The following DENND5A variants were observed in gnomAD, a reference collection of about 807,000 sequenced individuals.
DENND5A encodes the protein DENN domain containing 5A.
In DENND5A, 64 loss-of-function variants were observed where a neutral mutation model predicts 140.3. That is an observed-to-expected ratio of 0.46 (90% CI 0.37 to 0.56). The LOEUF (loss-of-function observed/expected upper bound fraction) is 0.56. Ranked by LOEUF, DENND5A falls within the 20% of genes least tolerant of loss-of-function variation. The pLI is 0.00. For synonymous variants in DENND5A, 605 were observed against 607.7 expected, an observed-to-expected ratio of 1.00 and a Z score of 0.07; for missense variants, 1,292 against 1,593.8, an observed-to-expected ratio of 0.81 and a Z score of 3.22.
chr11:9,143,166 A>T, intron 20 of DENND5A: 1 of 593,832 alleles, frequency 1.7e-6, no homozygotes, highest in South Asian at 2.1e-5. Context: ...ACTGTTCACT[A>T]GGGGCCCAGG....
chr11:9,203,614 AAAG>A, intron 4 of DENND5A, 43 bp downstream of exon 4: 1 of 1,559,644 alleles, frequency 6.4e-7, no homozygotes, highest in Non-Finnish European at 8.7e-7. Flanking sequence ...CATGGAAAGC[AAAG>A]AAGCCTGAGG....
At chr11:9,226,566 T>C (rs1025935595) in intron 1 of DENND5A, among the ~76,000 whole-genome samples, 3 of 152,206 alleles carry the variant, frequency 2.0e-5, no homozygotes, top group African/African-American at 7.2e-5. Context: ...TCACCCAACA[T>C]AAAATACTCT....
intron 1 of DENND5A, among the ~76,000 whole-genome samples, chr11:9,252,686 C>T (rs538712701): frequency 6.6e-6 from 1 of 152,116 alleles, no homozygotes; most frequent in South Asian, 2.1e-4. Flanking sequence ...AAGGAAGTCA[C>T]CAGCTTCTGA....
At chr11:9,205,653 G>A (rs180855926) in intron 3 of DENND5A, among the ~76,000 whole-genome samples, 7 of 152,336 alleles carry the variant, frequency 4.6e-5, no homozygotes, top group African/African-American at 1.4e-4. Context: ...AGCACTTTGG[G>A]AGGTCAAGGT....
chr11:9,242,323 A>G (rs1485477542), intron 1 of DENND5A: 1 of 152,202 alleles, frequency 6.6e-6, no homozygotes, highest in Non-Finnish European at 1.5e-5. Context: ...TCTTCTAGAC[A>G]ATCACTGATT....
intron 1 of DENND5A, among the ~76,000 whole-genome samples, chr11:9,244,706 G>A (rs1359503112): frequency 6.6e-6 from 1 of 151,916 alleles, no homozygotes; most frequent in Non-Finnish European, 1.5e-5. Flanking sequence ...GATAAGGTCT[G>A]GCTCTGTCAC....
At chr11:9,155,223 T>C (rs1847765139) in intron 12 of DENND5A, among the ~76,000 whole-genome samples, 1 of 152,138 alleles carries the variant, frequency 6.6e-6, no homozygotes, top group Admixed American at 6.6e-5. Flanking sequence ...TTTGACTTAG[T>C]AATTCAACTT....
intron 4 of DENND5A, among the ~76,000 whole-genome samples, chr11:9,200,763 A>T (rs1283464337): frequency 6.6e-6 from 1 of 152,222 alleles, no homozygotes; most frequent in Non-Finnish European, 1.5e-5. Flanking sequence ...TCTCACCTGG[A>T]TTATTACAAA....
chr11:9,217,241 G>C (rs1236664723), intron 1 of DENND5A, among the ~76,000 whole-genome samples: 1 of 152,102 alleles, frequency 6.6e-6, no homozygotes, highest in African/African-American at 2.4e-5. Flanking sequence ...CTGGCCAGGC[G>C]CGATGGCTCA....
Position 9,150,681 on chromosome 11 carries a change from T to G in DENND5A, c.2605A>C (p.Arg869=). ...TATTACATGTGAGCCCATACTGACC[T>G]CATATCCTGAATCAGGGAGATCCTC... The part of the protein sequence containing the change: ...PLRISLIQDM[R]HIQNIGEIKT... Residue 869 remains arginine, a splice_region_variant and synonymous_variant, in exon 14 of 23, where the codon AGG becomes CGG. Transcript: ENST00000328194. 1 of 1,610,932 alleles carries G rather than the reference T, an allele frequency of 6.2e-7. No individual in the cohort carries two copies. Among genetic ancestry groups the G allele is most frequent in the South Asian group, 1.1e-5 (1 of 90,908 alleles).
intron 10 of DENND5A, among the ~76,000 whole-genome samples, chr11:9,167,208 C>T (rs1161081119): frequency 6.6e-6 from 1 of 152,066 alleles, no homozygotes; most frequent in African/African-American, 2.4e-5. Flanking sequence ...TCTCCCTTCC[C>T]CCATATTTAT....
intron 21 of DENND5A, 88 bp downstream of exon 21, chr11:9,142,634 C>G: frequency 6.6e-7 from 1 of 1,525,218 alleles, no homozygotes; most frequent in Non-Finnish European, 8.9e-7. Flanking sequence ...GGTTCTGCCT[C>G]TCAGAGTGGT....
chr11:9,173,741 C>G (rs1258111206), intron 8 of DENND5A, among the ~76,000 whole-genome samples: 1 of 152,142 alleles, frequency 6.6e-6, no homozygotes, highest in African/African-American at 2.4e-5. Context: ...ACTATAAATC[C>G]TAAAGCAACT....
intron 1 of DENND5A, among the ~76,000 whole-genome samples, chr11:9,225,317 C>G (rs1325608481): frequency 1.3e-5 from 2 of 152,272 alleles, no homozygotes; most frequent in African/African-American, 4.8e-5. Context: ...CTCTTATTCC[C>G]AACTATATCC....
intron 1 of DENND5A, among the ~76,000 whole-genome samples, chr11:9,232,770 A>C (rs570614947): frequency 6.6e-6 from 1 of 152,324 alleles, no homozygotes; most frequent in Non-Finnish European, 1.5e-5. Context: ...ACATACAGGA[A>C]TGTTCATAAC....
At chr11:9,157,866 T>C (rs895659324) in intron 12 of DENND5A, among the ~76,000 whole-genome samples, 2 of 152,222 alleles carry the variant, frequency 1.3e-5, no homozygotes, top group Admixed American at 1.3e-4. Context: ...CTATCTTTCA[T>C]GGATTTGGAT....
chr11:9,244,596 T>C (rs1219224712), intron 1 of DENND5A, among the ~76,000 whole-genome samples: 1 of 152,192 alleles, frequency 6.6e-6, no homozygotes, highest in Non-Finnish European at 1.5e-5. Flanking sequence ...CTTGAACTCC[T>C]GACCTCGGGT....
chr11:9,251,508 A>G (rs1233731836), intron 1 of DENND5A, among the ~76,000 whole-genome samples: 1 of 152,174 alleles, frequency 6.6e-6, no homozygotes, highest in Non-Finnish European at 1.5e-5. Flanking sequence ...TTCCTGAGTC[A>G]TATCTGATCC....
At chr11:9,153,241 G>A (rs1026841999) in intron 12 of DENND5A, among the ~76,000 whole-genome samples, 15 of 132,528 alleles carry the variant, frequency 1.1e-4, no homozygotes, top group African/African-American at 3.8e-4. Context: ...CACTCGAACC[G>A]AACCTGGGAG....
Sources: allele counts gnomAD v4.1 joint callset (sites outside exome capture counted in the v4.1 genomes callset), GRCh38; gene constraint gnomAD v4.1.1; transcripts MANE v1.5; gene names NCBI Gene and HGNC (gene_info 2026-07-23, HGNC 2026-07-21).